Variants in WDR27 observed in about 807,000 individuals in gnomAD.
WDR27 encodes WD repeat domain 27, also known as WD repeat-containing protein 27.
A neutral mutation model predicts 114.4 loss-of-function variants in WDR27; 100 were observed. That is an observed-to-expected ratio of 0.87 (90% confidence interval 0.74 to 1.03). WDR27 has a LOEUF of 1.03. Ranked by LOEUF, WDR27 falls within the 50% of genes least tolerant of loss-of-function variation. The probability of loss-of-function intolerance (pLI) is 0.00; values close to 1 mark genes in which losing one functional copy is unlikely to be tolerated. For missense variants in WDR27, 1,129 were observed against 1,092.9 expected (o/e 1.03, Z -0.47); for synonymous variants, 449 against 423.1 (o/e 1.06, Z -0.75).
At chr6:169,620,250 G>A (rs1031933063) in intron 21 of WDR27, among the ~76,000 whole-genome samples, 4 of 152,090 alleles carry the variant, frequency 2.6e-5, no homozygotes, top group Non-Finnish European at 5.9e-5. Flanking sequence ...ACTAAGCCAA[G>A]GGTAAAGTCA....
chr6:169,659,633 G>A lies in WDR27; in HGVS notation c.1130-115C>T. The A allele has an allele frequency of 1.1e-6, 1 of 944,604 alleles. No homozygotes were observed. The allele number at this position is 944,604 out of a possible 1,614,324, so 58.5% of individuals were successfully genotyped here. A position where few individuals can be genotyped will look rare whatever the true frequency, so the allele number is the denominator to read the frequency against. ...CCCAGAGCCCACCACACACAGTCCAGGCCCCACCACACACTTTGCAGGCTG... is the reference window on the plus strand; with the variant it reads ...CCCAGAGCCCACCACACACAGTCCAAGCCCCACCACACACTTTGCAGGCTG... On this transcript the variant is annotated intron_variant, in intron 10 of 25. Coordinates refer to ENST00000448612, the MANE Select transcript of WDR27 (RefSeq NM_182552.5). The surrounding 1 kb of genome is among the most constrained non-coding windows in gnomAD (Gnocchi z 4.3).
In WDR27 at chr6:169,659,636, C is replaced by T; in HGVS notation, c.1130-118G>A. 1.1e-6 allele frequency: 1 copy of T among 910,512 alleles called. No individual in the cohort carries two copies. The highest frequency in any genetic ancestry group is 1.7e-6 in the Non-Finnish European group (1 of 581,460). The allele number at this position is 910,512 out of a possible 1,614,324, so 56.4% of individuals were successfully genotyped here. A position where few individuals can be genotyped will look rare whatever the true frequency, so the allele number is the denominator to read the frequency against. On this transcript the variant is annotated intron_variant, in intron 10 of 25. Transcript: ENST00000448612. This position sits in a 1 kb window ranked among gnomAD's most constrained non-coding sequence, Gnocchi z 4.3. ...AGAGCCCACCACACACAGTCCAGGC[C>T]CCACCACACACTTTGCAGGCTGTGC...
At chr6:169,694,941 G>A (rs1162254759) in intron 1 of WDR27, among the ~76,000 whole-genome samples, 1 of 152,252 alleles carries the variant, frequency 6.6e-6, no homozygotes, top group Non-Finnish European at 1.5e-5. Flanking sequence ...TAATCAGAAG[G>A]ATGAAATGAT....
At chr6:169,694,781 C>T (rs73790097) in intron 1 of WDR27, among the ~76,000 whole-genome samples, 16,027 of 152,330 alleles carry the variant, frequency 0.11, 910 homozygotes, top group African/African-American at 0.12. Context: ...TGTTCCTATG[C>T]AGTGGCAAAA....
chr6:169,685,000 C>T lies in WDR27; in HGVS notation c.189+3817G>A, dbSNP rs1197594257. Among the ~76,000 whole-genome samples, 2 of 152,182 alleles carry T rather than the reference C, an allele frequency of 1.3e-5. No individual in the cohort carries two copies. The highest frequency in any genetic ancestry group is 2.9e-5 in the Non-Finnish European group (2 of 68,038). Reference sequence around the variant, plus strand: ...GGTGAACCCATCCTTGGCAAAGCTACACAACCATCACCACAAATTCTCTTA... The same window carrying T: ...GGTGAACCCATCCTTGGCAAAGCTATACAACCATCACCACAAATTCTCTTA... On this transcript the variant is annotated intron_variant, in intron 2 of 25. Transcript: ENST00000448612. The surrounding 1 kb of genome is among the most constrained non-coding windows in gnomAD (Gnocchi z 4.3).
chr6:169,444,673 T>TGG, the WDR27 span, among the ~76,000 whole-genome samples: 5 of 151,912 alleles, frequency 3.3e-5, no homozygotes, highest in African/African-American at 1.2e-4. Flanking sequence ...TTTTTTGTTT[T>TGG]TTTTTTTTTC....
the WDR27 span, among the ~76,000 whole-genome samples, chr6:169,441,551 C>T: frequency 3.9e-5 from 6 of 151,954 alleles, no homozygotes; most frequent in African/African-American, 1.2e-4. Context: ...AGTTACCCAG[C>T]GACAATCTCA....
chr6:169,630,739 C>T (rs1383627840), intron 21 of WDR27, among the ~76,000 whole-genome samples: 2 of 152,006 alleles, frequency 1.3e-5, no homozygotes, highest in Non-Finnish European at 2.9e-5. Flanking sequence ...ACTAAAAATA[C>T]AAAAATTAGC....
intron 17 of WDR27, among the ~76,000 whole-genome samples, chr6:169,641,915 G>C (rs1206387233): frequency 1.3e-5 from 2 of 152,250 alleles, no homozygotes; most frequent in African/African-American, 4.8e-5. Flanking sequence ...TCTACTCTGT[G>C]CCAGGCACAT....
chr6:169,612,774 TAAAC>T (rs1347901847), intron 22 of WDR27, among the ~76,000 whole-genome samples: 1 of 151,212 alleles, frequency 6.6e-6, no homozygotes, highest in East Asian at 2.0e-4. Flanking sequence ...AAGGAAATAA[TAAAC>T]AAAAAGAATT....
At chr6:169,461,223 C>A (rs182320499) in intron 25 of WDR27, among the ~76,000 whole-genome samples, 1 of 152,062 alleles carries the variant, frequency 6.6e-6, no homozygotes, top group African/African-American at 2.4e-5. Context: ...GACAACCAGA[C>A]AGAACATAGG....
chr6:169,590,027 G>T (rs556807278), intron 23 of WDR27, among the ~76,000 whole-genome samples: 1 of 152,186 alleles, frequency 6.6e-6, no homozygotes, highest in Non-Finnish European at 1.5e-5. Flanking sequence ...CTGGAATAAC[G>T]CTTGACTGCT....
intron 25 of WDR27, among the ~76,000 whole-genome samples, chr6:169,567,919 C>T (rs1197313792): frequency 1.3e-5 from 2 of 152,218 alleles, no homozygotes; most frequent in Non-Finnish European, 2.9e-5. Flanking sequence ...TGTACCCCAG[C>T]CACTCTGCAG....
intron 25 of WDR27, among the ~76,000 whole-genome samples, chr6:169,529,312 C>CCG (rs1795307417): frequency 8.7e-6 from 1 of 115,134 alleles, no homozygotes; most frequent in Non-Finnish European, 1.8e-5. Flanking sequence ...GTGACCTCTG[C>CCG]GGGGGGGGGG....
At chr6:169,573,341 GT>G (rs1801755117) in intron 24 of WDR27, among the ~76,000 whole-genome samples, 1 of 152,200 alleles carries the variant, frequency 6.6e-6, no homozygotes, top group African/African-American at 2.4e-5. Flanking sequence ...AATATGAAAA[GT>G]TTTTATATCA....
intron 1 of WDR27, among the ~76,000 whole-genome samples, chr6:169,694,041 G>A (rs1396145254): frequency 6.6e-6 from 1 of 152,182 alleles, no homozygotes; most frequent in African/African-American, 2.4e-5. Context: ...CGGGCGCAGT[G>A]GCTCACATCT....
At chr6:169,648,015 A>G (rs1562806615) in intron 15 of WDR27, 145 bp from the exon 16 acceptor site, 2 of 584,652 alleles carry the variant, frequency 3.4e-6, no homozygotes, top group Non-Finnish European at 6.0e-6. Flanking sequence ...CTATATGTCT[A>G]TATTTAGACT....
intron 6 of WDR27, among the ~76,000 whole-genome samples, chr6:169,666,230 G>A (rs1228816455): frequency 2.6e-5 from 4 of 152,048 alleles, no homozygotes; most frequent in Non-Finnish European, 5.9e-5. Context: ...AGATTCCAAC[G>A]TACTTCCAAG....
chr6:169,513,481 C>T (rs1280660747), intron 25 of WDR27, among the ~76,000 whole-genome samples: 1 of 152,076 alleles, frequency 6.6e-6, no homozygotes, highest in Non-Finnish European at 1.5e-5. Context: ...CCCCAGTGTT[C>T]ATTCCCTAAT....
Sources: allele counts gnomAD v4.1 joint callset (sites outside exome capture counted in the v4.1 genomes callset), GRCh38; gene constraint gnomAD v4.1.1; non-coding constraint Gnocchi (gnomAD v3.1); transcripts MANE v1.5; gene names NCBI Gene and HGNC (gene_info 2026-07-23, HGNC 2026-07-21).